The following TRMT11 variants were observed in gnomAD, a reference collection of about 807,000 sequenced individuals.
TRMT11 encodes tRNA methyltransferase 11, also known as tRNA (guanine(10)-N(2))-methyltransferase TRMT11.
Under a neutral mutation model 62.8 loss-of-function variants are expected in TRMT11, and 53 were observed. The ratio of observed to expected loss-of-function variants is 0.84; its 90% CI spans 0.68 to 1.06. The LOEUF (loss-of-function observed/expected upper bound fraction) is 1.06, where lower values mean the gene tolerates loss of function less well. Ranked by LOEUF, TRMT11 falls within the 50% of genes least tolerant of loss-of-function variation. TRMT11 has a pLI of 0.00. For missense variants in TRMT11, 556 were observed against 553.4 expected, an observed-to-expected ratio of 1.00 and a Z score of -0.05; for synonymous variants, 188 against 190.3, an observed-to-expected ratio of 0.99 and a Z score of 0.10.
chr6:126,146,954 T>G lies in TRMT11; in HGVS notation c.*1824-27871T>G. Among the ~76,000 whole-genome samples, 2 of 109,660 alleles carry G rather than the reference T, an allele frequency of 1.8e-5. 1 individual carries two copies. The highest frequency in any genetic ancestry group is 7.2e-5 in the African/African-American group (2 of 27,840). The allele number at this position is 109,660 out of a possible 152,430, so 71.9% of individuals were successfully genotyped here. On this transcript the variant is annotated intron_variant and NMD_transcript_variant, in intron 21 of 22. Transcript: ENST00000648977. Reference sequence around the variant, plus strand: ...CTCATATTCTGCTTAGGGGTTAAAATACTTAGGCATTAATTACCTAGAGGA... The same window carrying G: ...CTCATATTCTGCTTAGGGGTTAAAAGACTTAGGCATTAATTACCTAGAGGA...
intron 17 of TRMT11, among the ~76,000 whole-genome samples, chr6:126,068,644 G>A (rs1413677747): frequency 6.6e-6 from 1 of 152,126 alleles, no homozygotes; most frequent in African/African-American, 2.4e-5. Flanking sequence ...TGTAACTTTA[G>A]ATGTGATTTG....
At chr6:126,062,970 A>T (rs755946709) in intron 17 of TRMT11, among the ~76,000 whole-genome samples, 2 of 152,232 alleles carry the variant, frequency 1.3e-5, no homozygotes, top group African/African-American at 2.4e-5. Context: ...ATCCTGTATC[A>T]TCAGTACTCT....
At chr6:126,156,169 G>C (rs555927876) in intron 21 of TRMT11, among the ~76,000 whole-genome samples, 1 of 152,316 alleles carries the variant, frequency 6.6e-6, no homozygotes, top group African/African-American at 2.4e-5. Context: ...AGTTTCTGTT[G>C]CTGCTCTCAC....
chr6:126,024,214 T>C (rs532137147), intron 12 of TRMT11, among the ~76,000 whole-genome samples: 1 of 152,360 alleles, frequency 6.6e-6, no homozygotes, highest in African/African-American at 2.4e-5. Context: ...ACTAATTGTA[T>C]TGGTGTGCTT....
chr6:126,166,314 G>A (rs1194456835), intron 21 of TRMT11, among the ~76,000 whole-genome samples: 1 of 152,046 alleles, frequency 6.6e-6, no homozygotes, highest in Admixed American at 6.5e-5. Context: ...CTTTGGATGG[G>A]GTTTTTGCAT....
intron 21 of TRMT11, among the ~76,000 whole-genome samples, chr6:126,122,341 G>A (rs58808470): frequency 3.9e-5 from 6 of 152,038 alleles, no homozygotes; most frequent in Admixed American, 3.9e-4. Context: ...GTTTTTCTCT[G>A]ACCTTCTCTT....
the TRMT11 span, among the ~76,000 whole-genome samples, chr6:126,230,682 A>G: frequency 1.3e-5 from 2 of 152,170 alleles, no homozygotes; most frequent in African/African-American, 4.8e-5. Context: ...TACTAGGAGG[A>G]GAAGATATTT....
intron 17 of TRMT11, among the ~76,000 whole-genome samples, chr6:126,088,728 A>G (rs1777241402): frequency 6.6e-6 from 1 of 152,334 alleles, no homozygotes; most frequent in Admixed American, 6.5e-5. Flanking sequence ...AGTAAACAGT[A>G]TGAGCATCTT....
intron 21 of TRMT11, among the ~76,000 whole-genome samples, chr6:126,141,061 T>C (rs1440093974): frequency 6.6e-6 from 1 of 152,088 alleles, no homozygotes; most frequent in Non-Finnish European, 1.5e-5. Context: ...TGTTAAGTTA[T>C]AGGGATAAGT....
chr6:126,060,488 G>A (rs563157417), intron 17 of TRMT11, among the ~76,000 whole-genome samples: 8 of 152,326 alleles, frequency 5.3e-5, no homozygotes, highest in African/African-American at 1.9e-4. Context: ...ACCGAGTGTA[G>A]TCTAAGAGCC....
intron 21 of TRMT11, among the ~76,000 whole-genome samples, chr6:126,150,365 C>G (rs921914570): frequency 6.6e-6 from 1 of 152,114 alleles, no homozygotes. Flanking sequence ...TTGGAATTAC[C>G]CAGTTTCAGG....
intron 1 of TRMT11, among the ~76,000 whole-genome samples, chr6:125,992,706 A>G (rs564999027): frequency 6.6e-6 from 1 of 152,334 alleles, no homozygotes; most frequent in Non-Finnish European, 1.5e-5. Context: ...GCTGAAAATC[A>G]GATTATGGTC....
At chr6:126,008,235 G>T (rs532262186) in intron 7 of TRMT11, among the ~76,000 whole-genome samples, 157 bp from the exon 8 acceptor site, 1 of 152,150 alleles carries the variant, frequency 6.6e-6, no homozygotes, top group East Asian at 1.9e-4. Context: ...TTAGGGGTTT[G>T]TTTTTTCAGT....
rs183443540 is a variant in TRMT11, at chr6:126,058,634, G to A, written c.*1437+5444G>A. On this transcript the variant is annotated intron_variant and NMD_transcript_variant, in intron 17 of 22. Coordinates refer to the TRMT11 transcript ENST00000648977. ...CCCATCAAAAAATCAATGAATCCAG[G>A]AGCTGGTTTTTTGAAAACATTAACA... 5.1e-3 allele frequency among the ~76,000 whole-genome samples: 769 copies of A among 152,224 alleles called. 4 individuals are homozygous for A. Among genetic ancestry groups the A allele is most frequent in the Admixed American group, 0.011 (165 of 15,292 alleles).
intron 12 of TRMT11, among the ~76,000 whole-genome samples, chr6:126,031,580 T>A (rs373560362): frequency 6.6e-6 from 1 of 152,094 alleles, no homozygotes; most frequent in African/African-American, 2.4e-5. Context: ...AGCCAAAAAT[T>A]TAAGCAAGAT....
intron 17 of TRMT11, among the ~76,000 whole-genome samples, chr6:126,062,113 T>C (rs1776552140): frequency 1.3e-5 from 2 of 152,214 alleles, no homozygotes; most frequent in Admixed American, 6.5e-5. Context: ...CTCTAACTCC[T>C]GGCCTCAAGA....
intron 19 of TRMT11, among the ~76,000 whole-genome samples, chr6:126,114,978 T>A (rs1777570898): frequency 6.6e-6 from 1 of 151,968 alleles, no homozygotes; most frequent in Non-Finnish European, 1.5e-5. Flanking sequence ...TTTCCCTTGG[T>A]TCAATTTTAG....
chr6:126,150,508 C>T (rs149274459), intron 21 of TRMT11, among the ~76,000 whole-genome samples: 6 of 152,140 alleles, frequency 3.9e-5, no homozygotes, highest in African/African-American at 1.4e-4. Flanking sequence ...CCATTTTATT[C>T]ATTACTGGCT....
the TRMT11 span, among the ~76,000 whole-genome samples, chr6:126,259,955 T>G: frequency 6.6e-6 from 1 of 152,332 alleles, no homozygotes; most frequent in South Asian, 2.1e-4. Context: ...CTGTTTGTCT[T>G]TACTGCTAAG....
Sources: gnomAD v4.1 joint callset for allele counts (sites outside exome capture counted in the v4.1 genomes callset) on GRCh38, gnomAD v4.1.1 for gene constraint, MANE v1.5 for transcripts, NCBI Gene and HGNC (gene_info 2026-07-23, HGNC 2026-07-21) for gene names.